Variants in NELFA observed in about 807,000 individuals in gnomAD.
NELFA encodes the protein negative elongation factor A.
NELFA carries 35 observed loss-of-function variants against 51.8 expected under a neutral mutation model. That is an observed-to-expected ratio of 0.68 (90% CI 0.52 to 0.90). The LOEUF is 0.90. Among genes scored for constraint, NELFA ranks in the 40% least tolerant of loss-of-function variants. NELFA has a pLI of 0.00. For synonymous variants in NELFA, 417 were observed against 338.4 expected (o/e 1.23, Z -2.55); for missense variants, 658 against 746.4 (o/e 0.88, Z 1.38).
intron 4 of NELFA, 32 bp from the exon 5 acceptor site, chr4:1,986,434 G>A (rs1728099045): frequency 1.2e-6 from 2 of 1,609,920 alleles, no homozygotes; most frequent in Non-Finnish European, 8.5e-7. Context: ...GGCGCCAGCA[G>A]CAGTGACCGG....
Position 2,008,887 on chromosome 4 carries a change from C to A in NELFA, c.73G>T (p.Ala25Ser), listed in dbSNP as rs780120171. The A allele has an allele frequency of 6.9e-6, 11 of 1,591,990 alleles. No homozygotes were observed. In the Admixed American group the frequency reaches 1.6e-4, roughly 23 times the overall value. The part of the protein sequence containing the change: ...NKLGATDELW[A>S]PPSIASLLTA... ...AGCAGGGACGCGATGCTGGGCGGCG[C>A]CCACAGCTCGTCCGTGGCCCCCAGC... The change falls in exon 1 of 11, where the codon GCG becomes TCG. Residue 25 changes from alanine (A) to serine (S), a missense_variant. Physicochemically the swap from Ala to Ser is moderately conservative, Grantham distance 99. Around this residue, in one of 3 missense-constraint regions of NELFA, gnomAD observed 371 missense variants for 448.3 expected, o/e 0.83. Transcript: ENST00000382882.
chr4:1,997,524 A>G (rs1414841296), intron 1 of NELFA, among the ~76,000 whole-genome samples: 1 of 152,250 alleles, frequency 6.6e-6, no homozygotes, highest in African/African-American at 2.4e-5. Flanking sequence ...TTACATGTCA[A>G]TAGATATTTA....
chr4:1,983,475 C>T lies in NELFA; in HGVS notation c.1431G>A (p.Val477=), dbSNP rs1236356014. ...RENPCQEQGD[V]IQIKLSEHTE... is the part of the protein sequence containing the mutation. Reference sequence around the variant, plus strand: ...TGTGCTCGCTCAGCTTGATCTGGATCACGTCCCCCTGCTCCTGGCACGGGT... The same window carrying T: ...TGTGCTCGCTCAGCTTGATCTGGATTACGTCCCCCTGCTCCTGGCACGGGT... The change falls in exon 11 of 11, where the codon GTG becomes GTA. Residue 477 remains valine, a synonymous_variant. Transcript: ENST00000382882. 2 of 1,614,146 alleles carry T rather than the reference C, an allele frequency of 1.2e-6. No homozygotes were observed. The highest frequency in any genetic ancestry group is 1.7e-6 in the Non-Finnish European group (2 of 1,180,032).
chr4:1,983,456 C>T lies in NELFA; in HGVS notation c.1450G>A (p.Glu484Lys), dbSNP rs759685385. 2 of 1,614,186 alleles carry T rather than the reference C, an allele frequency of 1.2e-6. No individual in the cohort carries two copies. Among genetic ancestry groups the T allele is most frequent in the African/African-American group, 1.3e-5 (1 of 75,058 alleles). The change falls in exon 11 of 11, where the codon GAG becomes AAG. Residue 484 changes from glutamate (E) to lysine (K), a missense_variant. Glu to Lys is a moderately conservative substitution (Grantham distance 56). Coordinates refer to ENST00000382882, the MANE Select transcript of NELFA (RefSeq NM_005663.5). ...GCCTTGGGCAGGTCCTCCGTGTGCT[C>T]GCTCAGCTTGATCTGGATCACGTCC... ...QGDVIQIKLS[E>K]HTEDLPKADG...
chr4:2,004,809 CTTT>C (rs760686190), intron 1 of NELFA, among the ~76,000 whole-genome samples: 4 of 119,522 alleles, frequency 3.3e-5, no homozygotes, highest in African/African-American at 3.2e-5. Context: ...TTTAATAAAG[CTTT>C]TTTTTTTTTT....
chr4:2,007,251 T>G (rs1236944737), intron 1 of NELFA: 2 of 286,876 alleles, frequency 7.0e-6, no homozygotes, highest in African/African-American at 4.4e-5. Context: ...AAAAATAATT[T>G]GGCATGATCC....
chr4:1,987,604 C>A lies in NELFA; in HGVS notation c.634+314G>T, dbSNP rs1040513989. On this transcript the variant is annotated intron_variant, in intron 4 of 10. Coordinates refer to ENST00000382882, the MANE Select transcript of NELFA (RefSeq NM_005663.5). ...AACAGCAGAGGAGCAGGGGCCAGCA[C>A]TGTCCTCAGATCCCGGCCTTCCTGT... The A allele has an allele frequency of 2.7e-5, 10 of 370,180 alleles. No individual in the cohort carries two copies. In the East Asian group the frequency reaches 5.2e-4, roughly 19 times the overall value. 22.9% of individuals were successfully genotyped at this position (370,180 alleles called of 1,614,324 possible). A position where few individuals can be genotyped will look rare whatever the true frequency, so the allele number is the denominator to read the frequency against.
chr4:1,984,223 C>A, intron 8 of NELFA, 110 bp from the exon 9 acceptor site: 1 of 1,292,416 alleles, frequency 7.7e-7, no homozygotes, highest in South Asian at 1.6e-5. Context: ...CTGCTACCCT[C>A]TGACAAGAAC....
In NELFA at chr4:1,986,228, G is replaced by C. The variant is rs777778901; in HGVS notation, c.765+44C>G. On this transcript the variant is annotated intron_variant, in intron 5 of 10. Coordinates refer to ENST00000382882, the MANE Select transcript of NELFA (RefSeq NM_005663.5). The stretch of plus-strand genomic sequence containing the variant: ...CCTGCCTTAGTGACGGCACCAGGGC[G>C]CAACGGGCCCCGGGGTGCCACAGGA... 3 of 1,563,034 alleles carry C rather than the reference G, an allele frequency of 1.9e-6. No homozygotes were observed. The South Asian group carries it at 3.5e-5, about 18-fold the overall frequency.
intron 1 of NELFA, chr4:1,992,591 C>T (rs1243959981): frequency 1.3e-5 from 3 of 231,898 alleles, no homozygotes; most frequent in African/African-American, 4.7e-5. Context: ...CCTGTCCAGA[C>T]GCCGGGGCTG....
At chr4:1,983,818 G>T in intron 9 of NELFA, 30 bp downstream of exon 9, 3 of 1,569,528 alleles carry the variant, frequency 1.9e-6, no homozygotes, top group Non-Finnish European at 1.7e-6. Context: ...CCTACCTGGT[G>T]GCCTGTGGGC....
chr4:2,006,194 A>G (rs1728705418), intron 1 of NELFA, among the ~76,000 whole-genome samples: 1 of 152,262 alleles, frequency 6.6e-6, no homozygotes, highest in Non-Finnish European at 1.5e-5. Context: ...CCACAGCAGA[A>G]GCTGCAGTGC....
rs560091736 is a variant in NELFA, at chr4:1,989,951, C to T, written c.383-82G>A. 3.3e-6 allele frequency: 5 copies of T among 1,516,760 alleles called. No homozygotes were observed. The South Asian group carries it at 6.3e-5, about 19-fold the overall frequency. The allele number at this position is 1,516,760 out of a possible 1,614,324, so 94.0% of individuals were successfully genotyped here. A position where few individuals can be genotyped will look rare whatever the true frequency, so the allele number is the denominator to read the frequency against. On this transcript the variant is annotated intron_variant, in intron 2 of 10. Transcript: ENST00000382882. The surrounding 1 kb of genome is among the most constrained non-coding windows in gnomAD (Gnocchi z 4.8). ...AGAGGAGCTGGCGGCTGCCCAGCCCCACACCCTCCTCAGTTAGGGTTAGGT... is the reference window on the plus strand; with the variant it reads ...AGAGGAGCTGGCGGCTGCCCAGCCCTACACCCTCCTCAGTTAGGGTTAGGT...
At chr4:1,996,880 CAA>C (rs772831241) in intron 1 of NELFA, among the ~76,000 whole-genome samples, 3 of 152,100 alleles carry the variant, frequency 2.0e-5, no homozygotes, top group Non-Finnish European at 4.4e-5. Flanking sequence ...TGCAGTGAGC[CAA>C]GATTGCACCA....
chr4:2,005,231 G>A (rs761382604), intron 1 of NELFA, among the ~76,000 whole-genome samples: 4 of 152,064 alleles, frequency 2.6e-5, no homozygotes, highest in Non-Finnish European at 5.9e-5. Flanking sequence ...AATGCTCACT[G>A]GCAAAACATT....
chr4:1,999,263 T>C (rs918203232), intron 1 of NELFA, among the ~76,000 whole-genome samples: 1 of 150,614 alleles, frequency 6.6e-6, no homozygotes, highest in African/African-American at 2.5e-5. Flanking sequence ...CCAGATACCA[T>C]CATGATTACA....
chr4:1,998,317 G>T (rs1728486133), intron 1 of NELFA, among the ~76,000 whole-genome samples: 1 of 152,028 alleles, frequency 6.6e-6, no homozygotes. Context: ...ACAGAAGTAG[G>T]CTTCAGAAGA....
chr4:1,988,064 T>C, intron 3 of NELFA, 57 bp from the exon 4 acceptor site: 2 of 1,420,950 alleles, frequency 1.4e-6, no homozygotes, highest in Non-Finnish European at 1.9e-6. Flanking sequence ...CCTTGGCCCT[T>C]GTAAAAACAT....
At chr4:1,986,517 A>T (rs1457608950) in intron 4 of NELFA, 115 bp from the exon 5 acceptor site, 7 of 1,520,326 alleles carry the variant, frequency 4.6e-6, no homozygotes, top group African/African-American at 1.4e-5. Context: ...GAAGGGCCAA[A>T]CCCCTGGCGG....
Sources: gnomAD v4.1 joint callset for allele counts (sites outside exome capture counted in the v4.1 genomes callset) on GRCh38, gnomAD v4.1.1 for gene constraint, gnomAD v4.1.1 regional missense constraint, Gnocchi (gnomAD v3.1) non-coding constraint, MANE v1.5 for transcripts, NCBI Gene and HGNC (gene_info 2026-07-23, HGNC 2026-07-21) for gene names.